The following ZNF385D variants were observed in gnomAD, a reference collection of about 807,000 sequenced individuals.
ZNF385D encodes zinc finger protein 659.
A neutral mutation model predicts 35.8 loss-of-function variants in ZNF385D; 15 were observed. That is an observed-to-expected ratio of 0.42 (90% CI 0.28 to 0.64). The LOEUF (loss-of-function observed/expected upper bound fraction) is 0.64, where lower values mean the gene tolerates loss of function less well. Among genes scored for constraint, ZNF385D ranks in the 30% least tolerant of loss-of-function variants. The pLI, the probability that ZNF385D is intolerant of heterozygous loss-of-function variation, is 0.23. For synonymous variants in ZNF385D, 212 were observed against 186.8 expected (o/e 1.13, Z -1.10); for missense variants, 474 against 494.6 (o/e 0.96, Z 0.39).
At chr3:21,960,720 T>C (rs554598374) in intron 3 of ZNF385D, among the ~76,000 whole-genome samples, 19 of 152,016 alleles carry the variant, frequency 1.2e-4, no homozygotes, top group African/African-American at 4.6e-4. Context: ...ATAAAGAAAA[T>C]ATGATATATA....
chr3:21,886,085 G>A (rs1187536733), intron 3 of ZNF385D, among the ~76,000 whole-genome samples: 1 of 152,018 alleles, frequency 6.6e-6, no homozygotes, highest in African/African-American at 2.4e-5. Context: ...AGTCAAGTTG[G>A]CACATAAAAT....
intron 3 of ZNF385D, among the ~76,000 whole-genome samples, chr3:21,968,738 G>C (rs1047898836): frequency 3.9e-5 from 6 of 152,182 alleles, no homozygotes; most frequent in African/African-American, 1.4e-4. Context: ...ACTTGCCGTG[G>C]ACCTTGGGTG....
At chr3:22,279,325 C>T (rs746040830) in intron 2 of ZNF385D, among the ~76,000 whole-genome samples, 1 of 151,794 alleles carries the variant, frequency 6.6e-6, no homozygotes, top group Non-Finnish European at 1.5e-5. Flanking sequence ...GTCTTCATAG[C>T]TTAGCTTCTA....
At chr3:21,772,211 G>C (rs780516670) in intron 3 of ZNF385D, among the ~76,000 whole-genome samples, 18 of 151,796 alleles carry the variant, frequency 1.2e-4, no homozygotes, top group Non-Finnish European at 2.9e-5. Flanking sequence ...GGAAATTAAA[G>C]AAAAACTAGC....
At chr3:22,184,682 C>G (rs1021648441) in intron 2 of ZNF385D, among the ~76,000 whole-genome samples, 6 of 152,086 alleles carry the variant, frequency 3.9e-5, no homozygotes, top group African/African-American at 1.4e-4. Flanking sequence ...CAAAAATTAG[C>G]CAGGCGTGGT....
At chr3:21,462,806 A>AC (rs1234910996) in intron 4 of ZNF385D, among the ~76,000 whole-genome samples, 1 of 152,078 alleles carries the variant, frequency 6.6e-6, no homozygotes, top group Non-Finnish European at 1.5e-5. Flanking sequence ...ACATGGTGAA[A>AC]CCCCGTCTCT....
At chr3:21,827,311 T>G (rs905595109) in intron 3 of ZNF385D, among the ~76,000 whole-genome samples, 1 of 152,196 alleles carries the variant, frequency 6.6e-6, no homozygotes, top group African/African-American at 2.4e-5. Context: ...TTAATACAGT[T>G]ATGGACAAGT....
intron 2 of ZNF385D, among the ~76,000 whole-genome samples, chr3:22,187,672 G>A (rs146937681): frequency 6.6e-6 from 1 of 151,994 alleles, no homozygotes; most frequent in Admixed American, 6.6e-5. Context: ...CTTTATAATA[G>A]ATATATATTT....
chr3:21,505,076 A>G (rs533475609), intron 4 of ZNF385D, among the ~76,000 whole-genome samples: 36 of 152,286 alleles, frequency 2.4e-4, no homozygotes, highest in African/African-American at 7.9e-4. Context: ...ATTGAATAGA[A>G]GTGAGAACTT....
chr3:22,233,723 T>G (rs1177030189), intron 2 of ZNF385D, among the ~76,000 whole-genome samples: 1 of 152,090 alleles, frequency 6.6e-6, no homozygotes, highest in African/African-American at 2.4e-5. Context: ...GGCTCTACTT[T>G]CTTGACATTC....
At chr3:22,157,650 A>G (rs1705679961) in intron 3 of ZNF385D, among the ~76,000 whole-genome samples, 1 of 152,132 alleles carries the variant, frequency 6.6e-6, no homozygotes, top group East Asian at 1.9e-4. Context: ...ATTAGTTCAC[A>G]TATTCTCTAA....
At chr3:21,543,940 T>C (rs758052983) in intron 3 of ZNF385D, among the ~76,000 whole-genome samples, 8 of 152,178 alleles carry the variant, frequency 5.3e-5, no homozygotes, top group South Asian at 2.1e-4. Context: ...TGGTTTGATA[T>C]CTGCATGTTT....
At chr3:22,084,422 G>T (rs1005368258) in intron 3 of ZNF385D, among the ~76,000 whole-genome samples, 9 of 152,146 alleles carry the variant, frequency 5.9e-5, no homozygotes, top group African/African-American at 1.9e-4. Flanking sequence ...AGCAGGGGTT[G>T]CAATCCTAGT....
intron 3 of ZNF385D, among the ~76,000 whole-genome samples, chr3:21,934,776 G>A (rs1005498088): frequency 6.6e-6 from 1 of 152,180 alleles, no homozygotes; most frequent in African/African-American, 2.4e-5. Flanking sequence ...TTGGCTGGCA[G>A]CTTGACTGTA....
intron 3 of ZNF385D, among the ~76,000 whole-genome samples, chr3:21,791,080 T>G (rs1463095228): frequency 6.6e-6 from 1 of 152,208 alleles, no homozygotes; most frequent in Non-Finnish European, 1.5e-5. Flanking sequence ...CCAGAGGTTA[T>G]AGCTCTAAAA....
At chr3:21,987,163 T>C (rs980762427) in intron 3 of ZNF385D, among the ~76,000 whole-genome samples, 2 of 135,756 alleles carry the variant, frequency 1.5e-5, no homozygotes, top group African/African-American at 6.0e-5. Flanking sequence ...ATTTAGTCCA[T>C]TTACATTTAA....
At chr3:21,490,398 G>A (rs61228100) in intron 4 of ZNF385D, among the ~76,000 whole-genome samples, 1 of 152,104 alleles carries the variant, frequency 6.6e-6, no homozygotes, top group Non-Finnish European at 1.5e-5. Context: ...CATGATGCTA[G>A]GTTTAATTCC....
At chr3:22,353,437 T>G (rs1329741945) in intron 2 of ZNF385D, among the ~76,000 whole-genome samples, 1 of 152,172 alleles carries the variant, frequency 6.6e-6, no homozygotes, top group Non-Finnish European at 1.5e-5. Flanking sequence ...TTGCAGTCTC[T>G]GTATATTTGG....
intron 2 of ZNF385D, among the ~76,000 whole-genome samples, chr3:22,315,651 C>T (rs1235130433): frequency 6.6e-6 from 1 of 152,124 alleles, no homozygotes; most frequent in African/African-American, 2.4e-5. Context: ...AATGTGAAAC[C>T]ACCTGTCTGC....
Sources: allele counts gnomAD v4.1 joint callset (sites outside exome capture counted in the v4.1 genomes callset), GRCh38; gene constraint gnomAD v4.1.1; transcripts MANE v1.5; gene names NCBI Gene and HGNC (gene_info 2026-07-23, HGNC 2026-07-21).